TENM3: variants seen among roughly 807,000 people sequenced by gnomAD.
The protein encoded by TENM3 is teneurin-3.
Under a neutral mutation model 255.1 loss-of-function variants are expected in TENM3, and 63 were observed. The observed-to-expected ratio is 0.25, with a 90% CI of 0.20 to 0.30. The LOEUF (loss-of-function observed/expected upper bound fraction) is 0.30, where lower values mean the gene tolerates loss of function less well. TENM3 is among the 10% of genes least tolerant of loss of function. The probability of loss-of-function intolerance (pLI) is 1.00; values close to 1 mark genes in which losing one functional copy is unlikely to be tolerated. For synonymous variants in TENM3, 1,306 were observed against 1,322.3 expected, an observed-to-expected ratio of 0.99 and a Z score of 0.27; for missense variants, 2,929 against 3,461.1, an observed-to-expected ratio of 0.85 and a Z score of 3.86.
chr4:181,760,762 TC>T, the TENM3 span, among the ~76,000 whole-genome samples: 13 of 149,422 alleles, frequency 8.7e-5, no homozygotes, highest in Middle Eastern at 3.6e-3. Context: ...CCCTTGAGAA[TC>T]ATATGGTTGA....
chr4:181,716,078 G>A, the TENM3 span, among the ~76,000 whole-genome samples: 1 of 152,150 alleles, frequency 6.6e-6, no homozygotes, highest in African/African-American at 2.4e-5. Flanking sequence ...CTAACAAAAT[G>A]TACAATAAAA....
the TENM3 span, among the ~76,000 whole-genome samples, chr4:181,783,747 G>A: frequency 6.6e-6 from 1 of 152,176 alleles, no homozygotes; most frequent in East Asian, 1.9e-4. Flanking sequence ...AGGCGAGAGT[G>A]CAGTGGCACA....
chr4:181,575,516 T>C, the TENM3 span, among the ~76,000 whole-genome samples: 2 of 152,216 alleles, frequency 1.3e-5, no homozygotes, highest in Non-Finnish European at 2.9e-5. Flanking sequence ...GTAAACTATC[T>C]CTTCTATTAT....
At chr4:182,486,028 C>T (rs930636701) in intron 3 of TENM3, among the ~76,000 whole-genome samples, 5 of 151,984 alleles carry the variant, frequency 3.3e-5, no homozygotes, top group East Asian at 1.9e-4. Context: ...TATGTGGTGT[C>T]GGTTTTGCAG....
rs114097818 is a variant in TENM3 at position 182,149,433 on chromosome 4, A to T, written c.-76+4679A>T. On this transcript the variant is annotated intron_variant, in intron 1 of 2. Transcript: ENST00000512480. ...TGCCTAGCTAGAACAGCTACATGGA[A>T]TTTACTAAAAATAGTGATCTACTCA... is the stretch of plus-strand genomic sequence containing the variant. 4.3e-3 allele frequency among the ~76,000 whole-genome samples: 657 copies of T among 152,122 alleles called. 3 individuals are homozygous for T. The highest frequency in any genetic ancestry group is 0.014 in the African/African-American group (579 of 41,546).
At chr4:181,777,672 T>A in the TENM3 span, among the ~76,000 whole-genome samples, 1 of 152,186 alleles carries the variant, frequency 6.6e-6, no homozygotes, top group Admixed American at 6.6e-5. Context: ...GGTGAACATA[T>A]GCTGATTCCT....
At chr4:182,626,944 G>A (rs1446493022) in intron 4 of TENM3, among the ~76,000 whole-genome samples, 1 of 152,020 alleles carries the variant, frequency 6.6e-6, no homozygotes, top group Non-Finnish European at 1.5e-5. Flanking sequence ...AAAAAACTGA[G>A]GTTCCCTAGG....
At chr4:182,552,237 A>G (rs1223493668) in intron 3 of TENM3, among the ~76,000 whole-genome samples, 1 of 152,054 alleles carries the variant, frequency 6.6e-6, no homozygotes, top group Non-Finnish European at 1.5e-5. Context: ...GGAGTTCAAG[A>G]CTAGCCTGGG....
chr4:182,457,899 T>G (rs1774001663), intron 3 of TENM3, among the ~76,000 whole-genome samples: 1 of 152,356 alleles, frequency 6.6e-6, no homozygotes, highest in East Asian at 1.9e-4. Flanking sequence ...CCAGTGCAGT[T>G]GTCAAATTAG....
the TENM3 span, among the ~76,000 whole-genome samples, chr4:181,502,585 A>G: frequency 6.6e-6 from 1 of 152,192 alleles, no homozygotes; most frequent in Admixed American, 6.5e-5. Context: ...GATATGTCTC[A>G]TGTCCTGGAA....
the TENM3 span, among the ~76,000 whole-genome samples, chr4:181,530,141 A>C: frequency 6.6e-6 from 1 of 152,254 alleles, no homozygotes; most frequent in Non-Finnish European, 1.5e-5. Context: ...GTGTCAGAGA[A>C]GAGACATATT....
the TENM3 span, among the ~76,000 whole-genome samples, chr4:181,759,217 A>C: frequency 6.6e-6 from 1 of 152,218 alleles, no homozygotes; most frequent in South Asian, 2.1e-4. Flanking sequence ...GAGAAAATTA[A>C]GTAGTATATA....
chr4:182,474,217 G>A (rs62337186), intron 3 of TENM3, among the ~76,000 whole-genome samples: 10,575 of 152,140 alleles, frequency 0.07, 505 homozygotes, highest in African/African-American at 0.13. Context: ...TTACTCACAG[G>A]ATTATAGATA....
At chr4:182,572,639 T>C (rs1035539375) in intron 3 of TENM3, among the ~76,000 whole-genome samples, 1 of 152,206 alleles carries the variant, frequency 6.6e-6, no homozygotes, top group Non-Finnish European at 1.5e-5. Context: ...CAAACTGATA[T>C]ATCAGTCACT....
At chr4:182,187,916 A>T (rs1245962241) in intron 1 of TENM3, among the ~76,000 whole-genome samples, 1 of 152,168 alleles carries the variant, frequency 6.6e-6, no homozygotes, top group East Asian at 1.9e-4. Flanking sequence ...AAAGAAAATT[A>T]AACAGTATTT....
chr4:181,664,698 C>T, the TENM3 span, among the ~76,000 whole-genome samples: 1 of 152,084 alleles, frequency 6.6e-6, no homozygotes, highest in Non-Finnish European at 1.5e-5. Flanking sequence ...AGATTCAGTG[C>T]ACCCCTCTCA....
At chr4:182,741,805 C>T (rs1761627617) in intron 18 of TENM3, among the ~76,000 whole-genome samples, 1 of 152,164 alleles carries the variant, frequency 6.6e-6, no homozygotes, top group African/African-American at 2.4e-5. Context: ...ATTATTACAT[C>T]ACCCAAATAG....
the TENM3 span, among the ~76,000 whole-genome samples, chr4:181,537,064 T>C: frequency 6.6e-6 from 1 of 152,182 alleles, no homozygotes; most frequent in East Asian, 1.9e-4. Context: ...AAACTTTATA[T>C]GTTTATATTT....
chr4:182,109,440 G>T, the TENM3 span, among the ~76,000 whole-genome samples: 45,726 of 151,460 alleles, frequency 0.3, 7,300 homozygotes, highest in East Asian at 0.53. Flanking sequence ...TTTTGAATAC[G>T]AACTTATTCT....
Sources: allele counts gnomAD v4.1 joint callset (sites outside exome capture counted in the v4.1 genomes callset), GRCh38; gene constraint gnomAD v4.1.1; transcripts MANE v1.5; gene names NCBI Gene and HGNC (gene_info 2026-07-23, HGNC 2026-07-21).